USP38: variants seen among roughly 807,000 people sequenced by gnomAD.
USP38 encodes the protein ubiquitin specific peptidase 38, also known as ubiquitin carboxyl-terminal hydrolase 38.
Under a neutral mutation model 94.3 loss-of-function variants are expected in USP38, and 49 were observed. The observed-to-expected ratio is 0.52, with a 90% CI of 0.41 to 0.66. The LOEUF (loss-of-function observed/expected upper bound fraction) is 0.66. Among genes scored for constraint, USP38 ranks in the 30% least tolerant of loss-of-function variants. The probability of loss-of-function intolerance (pLI) is 0.00; values close to 1 mark genes in which losing one functional copy is unlikely to be tolerated. For synonymous variants in USP38, 468 were observed against 463.6 expected, an observed-to-expected ratio of 1.01 and a Z score of -0.12; for missense variants, 1,128 against 1,229.4, an observed-to-expected ratio of 0.92 and a Z score of 1.23.
intron 6 of USP38, 38 bp from the exon 7 acceptor site, chr4:143,209,526 G>A (rs1235272857): frequency 8.6e-7 from 1 of 1,156,976 alleles, no homozygotes. Context: ...GCATGTGTTT[G>A]TACGCACATA....
intron 7 of USP38, among the ~76,000 whole-genome samples, chr4:143,210,987 GAAA>G: frequency 6.6e-6 from 1 of 152,072 alleles, no homozygotes; most frequent in Admixed American, 6.5e-5. Context: ...AAGACCAAGG[GAAA>G]CGAAATGAAA....
intron 2 of USP38, among the ~76,000 whole-genome samples, chr4:143,194,434 C>T (rs1448524055): frequency 3.3e-5 from 5 of 152,082 alleles, no homozygotes; most frequent in Non-Finnish European, 5.9e-5. Context: ...TCATTTTTCC[C>T]CTTTCTATTT....
At position 143,185,580 on chromosome 4, in the gene USP38, C is replaced by A. The variant is rs1485836831; in HGVS notation, c.130C>A (p.Leu44Met). The A allele has an allele frequency of 6.2e-7, 1 of 1,614,014 alleles. No individual in the cohort carries two copies. The highest frequency in any genetic ancestry group is 8.5e-7 in the Non-Finnish European group (1 of 1,180,024). ...GGCGCAGTGCGAGGCCATGTTTGAC[C>A]TGACGACCCGGCTCATCCTGGAGGG... ...DEAQCEAMFDLTTRLILEGQD... is the reference protein window; with the variant it reads ...DEAQCEAMFDMTTRLILEGQD... The change falls in exon 1 of 10, where the codon CTG (leucine) becomes ATG (methionine). Residue 44 changes from leucine (L) to methionine (M), a missense_variant. Physicochemically the swap from Leu to Met is conservative, Grantham distance 15. Transcript: ENST00000307017.
At chr4:143,196,604 T>C (rs1324143410) in intron 3 of USP38, among the ~76,000 whole-genome samples, 2 of 152,214 alleles carry the variant, frequency 1.3e-5, no homozygotes, top group Non-Finnish European at 2.9e-5. Context: ...ACTCTAACTT[T>C]TAGAATGCCT....
intron 3 of USP38, among the ~76,000 whole-genome samples, chr4:143,196,113 C>T (rs1402462106): frequency 1.3e-5 from 2 of 152,198 alleles, no homozygotes; most frequent in African/African-American, 4.8e-5. Context: ...CAAGACCAGC[C>T]TGGCCAACAT....
chr4:143,185,571 A>G lies in USP38; in HGVS notation c.121A>G (p.Met41Val). 7 of 1,614,154 alleles carry G rather than the reference A, an allele frequency of 4.3e-6. No individual in the cohort carries two copies. The highest frequency in any genetic ancestry group is 5.9e-6 in the Non-Finnish European group (7 of 1,180,010). The stretch of plus-strand genomic sequence containing the variant: ...GCTAGACGAGGCGCAGTGCGAGGCC[A>G]TGTTTGACCTGACGACCCGGCTCAT... ...HWLDEAQCEA[M>V]FDLTTRLILE... Residue 41 changes from methionine to valine, a missense_variant, in exon 1 of 10, where the codon ATG becomes GTG. Physicochemically the swap from Met to Val is conservative, Grantham distance 21. Transcript: ENST00000307017.
rs1272370935 is a variant in USP38, at chr4:143,195,838, T to C, written c.941T>C (p.Ile314Thr). 3.7e-6 allele frequency: 6 copies of C among 1,610,862 alleles called. No individual in the cohort carries two copies. The highest frequency in any genetic ancestry group is 1.7e-5 in the Admixed American group (1 of 59,180). The change falls in exon 3 of 10, where the codon ATA becomes ACA. Residue 314 changes from isoleucine (I) to threonine (T), a missense_variant. By Grantham distance (89) the Ile-to-Thr change is moderately conservative. Transcript: ENST00000307017. ...TILIDVTLLK[I>T]ELVFNRLWFP... ...TTGATAGATGTTACTTTGCTGAAAA[T>C]AGAACTGGTAAGTGGGAGTATGGAA... is the stretch of plus-strand genomic sequence containing the variant.
intron 6 of USP38, among the ~76,000 whole-genome samples, chr4:143,209,124 G>T (rs1337915708): frequency 6.6e-6 from 1 of 151,464 alleles, no homozygotes; most frequent in African/African-American, 2.4e-5. Context: ...TAAATTAATG[G>T]CTTAACCTAT....
At chr4:143,208,183 C>T (rs987896103) in intron 6 of USP38, among the ~76,000 whole-genome samples, 113 of 152,162 alleles carry the variant, frequency 7.4e-4, no homozygotes, top group African/African-American at 2.5e-3. Flanking sequence ...AGATCCGTGT[C>T]ATTCCCAGTA....
At chr4:143,219,375 CTAAACCAT>C (rs1293317964) in intron 9 of USP38, among the ~76,000 whole-genome samples, 1 of 152,084 alleles carries the variant, frequency 6.6e-6, no homozygotes, top group Non-Finnish European at 1.5e-5. Context: ...GAATAATAAA[CTAAACCAT>C]TTTAGCTAGA....
In USP38 at chr4:143,223,467, C is replaced by A. The variant is rs1732373816; in HGVS notation, c.*3011C>A. The A allele has an allele frequency of 6.6e-6, 1 of 152,094 alleles. No homozygotes were observed. Among genetic ancestry groups the A allele is most frequent in the South Asian group, 2.1e-4 (1 of 4,828 alleles). The allele number at this position is 152,094 out of a possible 1,614,324, so 9.4% of individuals were successfully genotyped here. On this transcript the variant is annotated 3_prime_UTR_variant, in exon 10 of 10. Transcript: ENST00000307017. The stretch of plus-strand genomic sequence containing the variant: ...AAATTTTCAAGCTAAGTCTTAAGTT[C>A]AAATCTATAATTTTTTTCTCTTCAG...
chr4:143,201,173 C>CA (rs1731704614), intron 4 of USP38, among the ~76,000 whole-genome samples: 1 of 152,078 alleles, frequency 6.6e-6, no homozygotes, highest in East Asian at 1.9e-4. Flanking sequence ...GGTACTGGTA[C>CA]AAAAACAGGC....
rs376648746 is a variant in USP38, at chr4:143,220,487, G to A, written c.*31G>A. 17 of 1,591,898 alleles carry A rather than the reference G, an allele frequency of 1.1e-5. No homozygotes were observed. In the Admixed American group the frequency reaches 1.8e-4, roughly 17 times the overall value. On this transcript the variant is annotated 3_prime_UTR_variant, in exon 10 of 10. Transcript: ENST00000307017. ...AGAGAGTCCAAAATGCACTGGTCAC[G>A]AAACGTCTAATACTATGACTGTTAA...
At chr4:143,204,869 CTTA>C (rs532506998) in intron 5 of USP38, among the ~76,000 whole-genome samples, 117 of 152,210 alleles carry the variant, frequency 7.7e-4, no homozygotes, top group African/African-American at 2.6e-3. Flanking sequence ...ACATAAAGGT[CTTA>C]TTATCTTTAC....
Position 143,222,356 on chromosome 4 carries a change from T to A in USP38, c.*1900T>A, listed in dbSNP as rs1270161097. ...ATCCCCCAATATTAAAATCCACAGA[T>A]ACTCAAGTCCCTTATTTATATAAAA... is the stretch of plus-strand genomic sequence containing the variant. On this transcript the variant is annotated 3_prime_UTR_variant, in exon 10 of 10. Transcript: ENST00000307017. The A allele has an allele frequency of 2.6e-5, 4 of 152,046 alleles. No individual in the cohort carries two copies. The highest frequency in any genetic ancestry group is 9.7e-5 in the African/African-American group (4 of 41,428). The allele number at this position is 152,046 out of a possible 1,614,324, so 9.4% of individuals were successfully genotyped here. A position where few individuals can be genotyped will look rare whatever the true frequency, so the allele number is the denominator to read the frequency against.
intron 7 of USP38, among the ~76,000 whole-genome samples, chr4:143,210,878 A>G (rs937135456): frequency 6.6e-6 from 1 of 151,930 alleles, no homozygotes; most frequent in Non-Finnish European, 1.5e-5. Flanking sequence ...CAGGATTAAT[A>G]TGAGATGATA....
At chr4:143,191,093 C>T (rs1416211972) in intron 2 of USP38, among the ~76,000 whole-genome samples, 3 of 152,194 alleles carry the variant, frequency 2.0e-5, no homozygotes, top group East Asian at 3.9e-4. Flanking sequence ...TACTCTTATA[C>T]AGAAAATGTA....
chr4:143,207,252 G>A (rs547826935), intron 6 of USP38, among the ~76,000 whole-genome samples: 33 of 152,190 alleles, frequency 2.2e-4, no homozygotes, highest in East Asian at 9.7e-4. Flanking sequence ...ATGAAATGTC[G>A]AATTTGGTTG....
intron 7 of USP38, among the ~76,000 whole-genome samples, chr4:143,211,061 A>G (rs1315169626): frequency 6.6e-6 from 1 of 151,972 alleles, no homozygotes; most frequent in East Asian, 1.9e-4. Context: ...CTTTATCACT[A>G]GTATGTATTT....
Sources: allele counts gnomAD v4.1 joint callset (sites outside exome capture counted in the v4.1 genomes callset), GRCh38; gene constraint gnomAD v4.1.1; transcripts MANE v1.5; gene names NCBI Gene and HGNC (gene_info 2026-07-23, HGNC 2026-07-21).